Variants in GLG1 observed in about 807,000 individuals in gnomAD.
GLG1 encodes Golgi apparatus protein 1.
A neutral mutation model predicts 160.5 loss-of-function variants in GLG1; 38 were observed. The observed-to-expected ratio is 0.24, with a 90% CI of 0.18 to 0.31. The LOEUF (loss-of-function observed/expected upper bound fraction) is 0.31, where lower values mean the gene tolerates loss of function less well. Among genes scored for constraint, GLG1 ranks in the 10% least tolerant of loss-of-function variants. The pLI is 1.00. For synonymous variants in GLG1, 644 were observed against 543.4 expected (o/e 1.19, Z -2.57); for missense variants, 1,373 against 1,505.2 (o/e 0.91, Z 1.45).
chr16:74,525,742 A>T (rs550581104), intron 2 of GLG1, among the ~76,000 whole-genome samples: 2 of 148,866 alleles, frequency 1.3e-5, no homozygotes, highest in South Asian at 4.4e-4. Context: ...TTTTTGTATG[A>T]TCTCAATACT....
At chr16:74,535,644 T>C (rs1185438889) in intron 1 of GLG1, among the ~76,000 whole-genome samples, 1 of 152,212 alleles carries the variant, frequency 6.6e-6, no homozygotes, top group African/African-American at 2.4e-5. Context: ...CTATGTTGCC[T>C]AGGCTGATCT....
At chr16:74,591,900 G>C (rs1360259760) in intron 1 of GLG1, among the ~76,000 whole-genome samples, 1 of 152,102 alleles carries the variant, frequency 6.6e-6, no homozygotes, top group Admixed American at 6.6e-5. Context: ...TTATACGTGG[G>C]AGCAGAGTTT....
intron 1 of GLG1, among the ~76,000 whole-genome samples, chr16:74,578,048 C>T (rs1957854892): frequency 1.3e-5 from 2 of 152,108 alleles, no homozygotes; most frequent in African/African-American, 4.8e-5. Flanking sequence ...TTTGGATTTG[C>T]TCCTTGTTCT....
intron 1 of GLG1, among the ~76,000 whole-genome samples, chr16:74,548,098 AT>A (rs2018099383): frequency 6.6e-6 from 1 of 152,064 alleles, no homozygotes; most frequent in East Asian, 1.9e-4. Flanking sequence ...CCCAGCTACT[AT>A]TTTTTTGTAA....
intron 1 of GLG1, among the ~76,000 whole-genome samples, chr16:74,577,944 A>G (rs942018510): frequency 1.3e-5 from 2 of 151,856 alleles, no homozygotes; most frequent in Admixed American, 6.6e-5. Context: ...AGGCCAAGGT[A>G]GGAGGATTAC....
At chr16:74,542,323 A>C (rs2017892958) in intron 1 of GLG1, among the ~76,000 whole-genome samples, 1 of 151,272 alleles carries the variant, frequency 6.6e-6, no homozygotes, top group Non-Finnish European at 1.5e-5. Context: ...ACAGCTGAAC[A>C]AAGGTACAAA....
At chr16:74,600,749 A>C (rs904590423) in intron 1 of GLG1, among the ~76,000 whole-genome samples, 15 of 150,820 alleles carry the variant, frequency 9.9e-5, no homozygotes, top group Non-Finnish European at 1.3e-4. Flanking sequence ...AAAAAAAAAA[A>C]AAAAACAAAA....
chr16:74,480,179 C>T, intron 11 of GLG1, 62 bp downstream of exon 11: 2 of 1,348,520 alleles, frequency 1.5e-6, no homozygotes. Flanking sequence ...GAAGAATATA[C>T]AGCAAACAAT....
At chr16:74,584,625 C>G (rs1056554718) in intron 1 of GLG1, among the ~76,000 whole-genome samples, 5 of 151,846 alleles carry the variant, frequency 3.3e-5, no homozygotes, top group East Asian at 3.9e-4. Flanking sequence ...AATAAAAAAA[C>G]CACACACTGG....
intron 17 of GLG1, chr16:74,468,524 C>T (rs557092066): frequency 2.4e-5 from 4 of 163,932 alleles, no homozygotes; most frequent in Non-Finnish European, 5.3e-5. Context: ...GCATGAGCCA[C>T]CTCGCTGGCC....
rs151293054 is a variant in GLG1 at position 74,581,951 on chromosome 16, C to T, written c.438+24706G>A. On this transcript the variant is annotated intron_variant, in intron 1 of 25. Coordinates refer to ENST00000422840, the MANE Select transcript of GLG1 (RefSeq NM_001145667.2). ...ACAAAACAAAAACAAATTCAAAGTA[C>T]AAATCATGTTCTGTGACACCACATT... Among the ~76,000 whole-genome samples, 224 of 152,160 alleles carry T rather than the reference C, an allele frequency of 1.5e-3. 7 individuals are homozygous for T. The East Asian group carries it at 0.039, about 26-fold the overall frequency.
chr16:74,579,136 G>A (rs997173098), intron 1 of GLG1, among the ~76,000 whole-genome samples: 4 of 152,100 alleles, frequency 2.6e-5, no homozygotes, highest in East Asian at 1.9e-4. Context: ...AGCTATGATC[G>A]CGCCACTGCA....
At chr16:74,597,126 C>G (rs1370469536) in intron 1 of GLG1, among the ~76,000 whole-genome samples, 1 of 145,058 alleles carries the variant, frequency 6.9e-6, no homozygotes, top group Admixed American at 6.9e-5. Context: ...CTCAAACAAA[C>G]AAAAAAAAAA....
At chr16:74,534,127 C>G (rs1443891215) in intron 1 of GLG1, among the ~76,000 whole-genome samples, 3 of 152,086 alleles carry the variant, frequency 2.0e-5, no homozygotes, top group Admixed American at 6.5e-5. Flanking sequence ...TCATAAGATT[C>G]TATTATATAA....
chr16:74,554,943 G>A (rs1016770097), intron 1 of GLG1, among the ~76,000 whole-genome samples: 18 of 152,148 alleles, frequency 1.2e-4, no homozygotes, highest in Middle Eastern at 3.2e-3. Flanking sequence ...CAGAACCCAG[G>A]AGTTTGAGGC....
intron 4 of GLG1, among the ~76,000 whole-genome samples, chr16:74,500,947 T>G (rs1306632624): frequency 1.3e-5 from 2 of 152,180 alleles, no homozygotes; most frequent in Non-Finnish European, 2.9e-5. Flanking sequence ...ATGACATTTA[T>G]GTGTTCATAC....
At chr16:74,491,947 G>C (rs1356011631) in intron 7 of GLG1, among the ~76,000 whole-genome samples, 1 of 151,242 alleles carries the variant, frequency 6.6e-6, no homozygotes, top group Non-Finnish European at 1.5e-5. Flanking sequence ...AAAACAAAAA[G>C]ATTAAAACAA....
rs1312106735 is a variant in GLG1 at position 74,477,481 on chromosome 16, A to G, written c.1880T>C (p.Met627Thr). 6.2e-7 allele frequency: 1 copy of G among 1,612,624 alleles called. No homozygotes were observed. The highest frequency in any genetic ancestry group is 1.3e-5 in the African/African-American group (1 of 75,006). ...EVQRILHQRA[M>T]DVKLDPALQD... is the part of the protein sequence containing the mutation. ...GAGGGCAGGATCCAGCTTGACATCC[A>G]TGGCACGCTGGTGTAGGATCCTTTG... Residue 627 changes from methionine (M) to threonine (T), a missense_variant, in exon 12 of 26, where the codon ATG (methionine) becomes ACG (threonine). Coordinates refer to ENST00000422840, the MANE Select transcript of GLG1 (RefSeq NM_001145667.2).
At chr16:74,566,072 T>C (rs2018647005) in intron 1 of GLG1, among the ~76,000 whole-genome samples, 1 of 152,190 alleles carries the variant, frequency 6.6e-6, no homozygotes, top group Admixed American at 6.5e-5. Flanking sequence ...AGAAAGACCA[T>C]ATAGGTAAAG....
Sources: gnomAD v4.1 joint callset for allele counts (sites outside exome capture counted in the v4.1 genomes callset) on GRCh38, gnomAD v4.1.1 for gene constraint, MANE v1.5 for transcripts, NCBI Gene and HGNC (gene_info 2026-07-23, HGNC 2026-07-21) for gene names.